Variants in NTRK3 observed in about 807,000 individuals in gnomAD.
NTRK3 encodes the protein neurotrophic receptor tyrosine kinase 3.
NTRK3 carries 24 observed loss-of-function variants against 91.7 expected under a neutral mutation model. That is an observed-to-expected ratio of 0.26 (90% CI 0.19 to 0.37). NTRK3 has a LOEUF of 0.37. Among genes scored for constraint, NTRK3 ranks in the 10% least tolerant of loss-of-function variants. The probability of loss-of-function intolerance (pLI) is 1.00; values close to 1 mark genes in which losing one functional copy is unlikely to be tolerated. For synonymous variants in NTRK3, 483 were observed against 404.0 expected (o/e 1.20, Z -2.34); for missense variants, 880 against 1,068.9 (o/e 0.82, Z 2.46).
At chr15:88,214,372 T>TC in intron 3 of NTRK3, among the ~76,000 whole-genome samples, 1 of 152,232 alleles carries the variant, frequency 6.6e-6, no homozygotes, top group Middle Eastern at 3.4e-3. Context: ...CAATCTCTAC[T>TC]CCATCTTCAC....
chr15:88,147,505 CCTTCTTCTT>C lies in NTRK3; in HGVS notation c.396-111_396-103del, dbSNP rs34299110. The C allele has an allele frequency of 0.013, 8,385 of 659,128 alleles. 176 individuals are homozygous for C. The highest frequency in any genetic ancestry group is 0.078 in the African/African-American group (4,210 of 53,918). 40.8% of individuals were successfully genotyped at this position (659,128 alleles called of 1,614,324 possible). On this transcript the variant is annotated intron_variant, in intron 5 of 18. Coordinates refer to ENST00000394480, the Ensembl canonical transcript of NTRK3. ...TTTCACTGGAGCCTGGCTTTGTTTT[CCTTCTTCTT>C]CTTCTTCTTCTTCTTCTTCTTCTTC... is the stretch of plus-strand genomic sequence containing the variant.
chr15:88,166,157 C>A (rs760899028), intron 5 of NTRK3, among the ~76,000 whole-genome samples: 1 of 152,166 alleles, frequency 6.6e-6, no homozygotes, highest in Non-Finnish European at 1.5e-5. Context: ...AAGAAAGAAT[C>A]CTGTTCCTGC....
At chr15:87,870,223 T>G (rs1335901455) in exon 19 of NTRK3, 1 of 183,054 alleles carries the variant, frequency 5.5e-6, no homozygotes, top group Non-Finnish European at 1.1e-5. Flanking sequence ...CACACAAACA[T>G]ATATATGTAT....
intron 14 of NTRK3, among the ~76,000 whole-genome samples, chr15:87,951,147 C>T (rs978494485): frequency 6.6e-5 from 10 of 152,170 alleles, no homozygotes; most frequent in South Asian, 2.1e-4. Context: ...CTGGGGTACC[C>T]GTCCCCACTT....
chr15:87,946,974 C>A (rs2070598854), intron 14 of NTRK3, among the ~76,000 whole-genome samples: 1 of 146,696 alleles, frequency 6.8e-6, no homozygotes, highest in South Asian at 2.2e-4. Context: ...CTCCGCCACA[C>A]AAGTTCAAGC....
At chr15:88,142,785 T>C (rs114083208) in intron 6 of NTRK3, among the ~76,000 whole-genome samples, 1 of 152,128 alleles carries the variant, frequency 6.6e-6, no homozygotes, top group Admixed American at 6.5e-5. Flanking sequence ...AAAAGATATA[T>C]CCAAGTCCAA....
At position 88,039,118 on chromosome 15, in the gene NTRK3, A is replaced by AACACACAC. The variant is rs66499066; in HGVS notation, c.1397-6081_1397-6074dup. On this transcript the variant is annotated intron_variant, in intron 13 of 18. Coordinates refer to ENST00000394480, the Ensembl canonical transcript of NTRK3. ...AAGCTTTGATGTCTATTGAGCCCTC[A>AACACACAC]ACACACACACACACACACACACACA... Among the ~76,000 whole-genome samples, 179 of 139,380 alleles carry AACACACAC rather than the reference A, an allele frequency of 1.3e-3. 1 individual carries two copies. Among genetic ancestry groups the AACACACAC allele is most frequent in the African/African-American group, 4.4e-3 (164 of 37,176 alleles). The allele number at this position is 139,380 out of a possible 152,430, so 91.4% of individuals were successfully genotyped here. A position where few individuals can be genotyped will look rare whatever the true frequency, so the allele number is the denominator to read the frequency against.
chr15:88,089,477 G>C (rs1453973417), intron 13 of NTRK3, among the ~76,000 whole-genome samples: 2 of 152,172 alleles, frequency 1.3e-5, no homozygotes, highest in Non-Finnish European at 2.9e-5. Context: ...TTACAGTATA[G>C]TACGTCCAAG....
intron 14 of NTRK3, among the ~76,000 whole-genome samples, chr15:87,965,613 C>A (rs944892744): frequency 1.3e-5 from 2 of 152,184 alleles, no homozygotes; most frequent in African/African-American, 4.8e-5. Flanking sequence ...ACCAAAGGAC[C>A]GTGGTGTTTA....
chr15:87,971,845 A>C (rs922232), intron 14 of NTRK3, among the ~76,000 whole-genome samples: 1 of 152,082 alleles, frequency 6.6e-6, no homozygotes, highest in Non-Finnish European at 1.5e-5. Flanking sequence ...TCTCTTTTTA[A>C]GAGAAGTGCG....
intron 13 of NTRK3, among the ~76,000 whole-genome samples, chr15:88,055,554 C>G (rs1029535431): frequency 3.9e-5 from 6 of 152,146 alleles, no homozygotes; most frequent in African/African-American, 7.2e-5. Context: ...TTCATGGAAC[C>G]AAGCACTTTC....
At chr15:88,035,422 C>A (rs2078987385) in intron 13 of NTRK3, among the ~76,000 whole-genome samples, 1 of 152,180 alleles carries the variant, frequency 6.6e-6, no homozygotes, top group African/African-American at 2.4e-5. Flanking sequence ...CCTGCCTCCC[C>A]ATCACACCAA....
intron 13 of NTRK3, among the ~76,000 whole-genome samples, chr15:88,056,568 C>G (rs868585107): frequency 6.6e-6 from 1 of 152,158 alleles, no homozygotes; most frequent in Non-Finnish European, 1.5e-5. Context: ...AAACCTGTTT[C>G]AAGAATTAAA....
intron 14 of NTRK3, among the ~76,000 whole-genome samples, chr15:87,976,332 T>C (rs532797768): frequency 1.3e-5 from 2 of 152,172 alleles, no homozygotes; most frequent in African/African-American, 4.8e-5. Context: ...AAATAGAAGA[T>C]AAAGCAACTG....
At chr15:87,915,228 C>A (rs2067366872) in intron 17 of NTRK3, among the ~76,000 whole-genome samples, 3 of 152,194 alleles carry the variant, frequency 2.0e-5, no homozygotes, top group Admixed American at 2.0e-4. Context: ...TAATAATAAG[C>A]AGTAACCATC....
intron 15 of NTRK3, among the ~76,000 whole-genome samples, chr15:87,934,127 TGG>T (rs1398683980): frequency 6.6e-6 from 1 of 152,174 alleles, no homozygotes; most frequent in Non-Finnish European, 1.5e-5. Context: ...GGCACTGCCA[TGG>T]GCCCAGCAAT....
chr15:88,109,648 G>A (rs1005331316), intron 13 of NTRK3, among the ~76,000 whole-genome samples: 2 of 152,264 alleles, frequency 1.3e-5, no homozygotes, highest in African/African-American at 2.4e-5. Context: ...TGGGCGGGGG[G>A]CGTTGGGAAA....
intron 5 of NTRK3, among the ~76,000 whole-genome samples, chr15:88,162,795 C>T (rs1443041971): frequency 6.6e-6 from 1 of 152,178 alleles, no homozygotes; most frequent in Non-Finnish European, 1.5e-5. Flanking sequence ...TCCTCTTTCT[C>T]CAGCTTCCTG....
intron 3 of NTRK3, among the ~76,000 whole-genome samples, chr15:88,251,360 AC>A (rs1489950264): frequency 3.9e-5 from 6 of 152,140 alleles, no homozygotes; most frequent in Non-Finnish European, 8.8e-5. Flanking sequence ...TGGAAGAAAC[AC>A]TCTGCCCTGC....
Sources: allele counts gnomAD v4.1 joint callset (sites outside exome capture counted in the v4.1 genomes callset), GRCh38; gene constraint gnomAD v4.1.1; transcripts MANE v1.5; gene names NCBI Gene and HGNC (gene_info 2026-07-23, HGNC 2026-07-21).